The following HNF4G variants were observed in gnomAD, a reference collection of about 807,000 sequenced individuals.
HNF4G encodes hepatocyte nuclear factor 4-gamma.
HNF4G carries 21 observed loss-of-function variants against 50.9 expected under a neutral mutation model. The ratio of observed to expected loss-of-function variants is 0.41; its 90% CI spans 0.29 to 0.59. The LOEUF is 0.59. Among genes scored for constraint, HNF4G ranks in the 20% least tolerant of loss-of-function variants. HNF4G has a pLI of 0.26. For missense variants in HNF4G, 527 were observed against 559.4 expected (o/e 0.94, Z 0.58); for synonymous variants, 198 against 185.6 (o/e 1.07, Z -0.54).
intron 9 of HNF4G, among the ~76,000 whole-genome samples, chr8:75,563,446 A>G (rs1386414196): frequency 6.6e-6 from 1 of 150,484 alleles, no homozygotes; most frequent in Non-Finnish European, 1.5e-5. Flanking sequence ...AAAAAAAGCC[A>G]GTATTTTTCA....
intron 1 of HNF4G, among the ~76,000 whole-genome samples, chr8:75,431,398 C>T (rs898537364): frequency 6.6e-5 from 10 of 152,120 alleles, no homozygotes; most frequent in Middle Eastern, 3.4e-3. Context: ...AATCACAGAA[C>T]GGCTTGATAT....
At chr8:75,532,501 G>A (rs754637274) in intron 2 of HNF4G, among the ~76,000 whole-genome samples, 11 of 151,978 alleles carry the variant, frequency 7.2e-5, no homozygotes, top group African/African-American at 2.7e-4. Context: ...TTCTATTCCA[G>A]TGCTTACTTT....
chr8:75,444,491 A>G (rs1811372467), intron 1 of HNF4G, among the ~76,000 whole-genome samples: 1 of 125,004 alleles, frequency 8.0e-6, no homozygotes, highest in Admixed American at 7.9e-5. Flanking sequence ...GGCAAGTTGG[A>G]TAAAGAGTCA....
chr8:75,537,664 A>G (rs1478362294), upstream of HNF4G, among the ~76,000 whole-genome samples: 1 of 152,172 alleles, frequency 6.6e-6, no homozygotes, highest in African/African-American at 2.4e-5. Context: ...GAAGGGTTCT[A>G]GAATTTTTGC....
At chr8:75,501,223 T>C (rs2130705049) in intron 2 of HNF4G, among the ~76,000 whole-genome samples, 1 of 152,172 alleles carries the variant, frequency 6.6e-6, no homozygotes, top group Middle Eastern at 3.4e-3. Context: ...GGGGATCACT[T>C]GAGTCCAGGG....
chr8:75,474,654 A>C (rs1812195989), intron 1 of HNF4G, among the ~76,000 whole-genome samples: 1 of 152,070 alleles, frequency 6.6e-6, no homozygotes, highest in South Asian at 2.1e-4. Context: ...AGAATGATGA[A>C]TAATAATAAT....
rs190541351 is a variant in HNF4G, at chr8:75,558,797, T to C, written c.887-4T>C. 5.5e-5 allele frequency: 88 copies of C among 1,611,336 alleles called. No homozygotes were observed. The East Asian group carries it at 1.4e-3, about 27-fold the overall frequency. The stretch of plus-strand genomic sequence containing the variant: ...GTACACTGCCTCTCTTATTCCTTTG[T>C]TAGATGCAAAAGGGCTAAGCGATCC... On this transcript the variant is annotated splice_polypyrimidine_tract_variant and splice_region_variant and intron_variant, in intron 7 of 9. Coordinates refer to ENST00000396423, the MANE Select transcript of HNF4G (RefSeq NM_004133.5).
At chr8:75,481,107 T>C (rs368955161) in intron 1 of HNF4G, among the ~76,000 whole-genome samples, 7 of 152,158 alleles carry the variant, frequency 4.6e-5, no homozygotes, top group African/African-American at 1.7e-4. Flanking sequence ...TGCTTTTTAG[T>C]CTCCCACACA....
At chr8:75,528,757 A>G (rs1302496210) in intron 2 of HNF4G, among the ~76,000 whole-genome samples, 1 of 148,118 alleles carries the variant, frequency 6.8e-6, no homozygotes, top group African/African-American at 2.6e-5. Flanking sequence ...GTAATGCCCA[A>G]AAAGTGAAAA....
chr8:75,504,585 C>T (rs1813026435), intron 2 of HNF4G, among the ~76,000 whole-genome samples: 1 of 152,106 alleles, frequency 6.6e-6, no homozygotes, highest in South Asian at 2.1e-4. Flanking sequence ...ATCTGCAACA[C>T]ATAATGTCAT....
At chr8:75,514,919 A>G (rs923268636) in intron 2 of HNF4G, among the ~76,000 whole-genome samples, 12 of 152,092 alleles carry the variant, frequency 7.9e-5, no homozygotes, top group African/African-American at 1.2e-4. Context: ...TATTTTACTT[A>G]CTAAACTATA....
intron 5 of HNF4G, among the ~76,000 whole-genome samples, chr8:75,554,922 G>A (rs917319735): frequency 4.6e-5 from 7 of 152,162 alleles, no homozygotes; most frequent in Admixed American, 1.3e-4. Context: ...GAGAATCTGA[G>A]AAGAAAGCAC....
At chr8:75,530,716 G>A (rs1298241993) in intron 2 of HNF4G, among the ~76,000 whole-genome samples, 1 of 151,502 alleles carries the variant, frequency 6.6e-6, no homozygotes, top group Non-Finnish European at 1.5e-5. Flanking sequence ...ATCTGAACAA[G>A]AGCAAAGCTG....
At chr8:75,440,593 T>C (rs964008159) in intron 1 of HNF4G, among the ~76,000 whole-genome samples, 2 of 152,252 alleles carry the variant, frequency 1.3e-5, no homozygotes, top group African/African-American at 4.8e-5. Context: ...TTCATTATTT[T>C]ATTTAGTGTT....
At chr8:75,530,853 T>G (rs1806308642) in intron 2 of HNF4G, among the ~76,000 whole-genome samples, 1 of 151,082 alleles carries the variant, frequency 6.6e-6, no homozygotes, top group Non-Finnish European at 1.5e-5. Context: ...AGTGCAGTTG[T>G]GCGATCTCGG....
chr8:75,465,549 AG>A (rs1811949356), intron 1 of HNF4G, among the ~76,000 whole-genome samples: 1 of 152,194 alleles, frequency 6.6e-6, no homozygotes. Context: ...CAGAGACTAA[AG>A]GTATCATAAG....
At chr8:75,502,503 G>A (rs1327786327) in intron 2 of HNF4G, among the ~76,000 whole-genome samples, 2 of 152,006 alleles carry the variant, frequency 1.3e-5, no homozygotes, top group African/African-American at 4.8e-5. Context: ...ATGGGCAAAG[G>A]ACAAAAACAC....
At chr8:75,449,400 CAA>C (rs35748009) in intron 1 of HNF4G, among the ~76,000 whole-genome samples, 12,914 of 151,758 alleles carry the variant, frequency 0.085, 1,421 homozygotes, top group African/African-American at 0.24. Context: ...ACTAAAAAAA[CAA>C]ATTTTTGGTG....
At chr8:75,426,054 A>G (rs1032456456) in intron 1 of HNF4G, among the ~76,000 whole-genome samples, 2 of 152,220 alleles carry the variant, frequency 1.3e-5, no homozygotes, top group African/African-American at 4.8e-5. Flanking sequence ...AAGGAGATAG[A>G]TCAAATAATT....
Sources: allele counts gnomAD v4.1 joint callset (sites outside exome capture counted in the v4.1 genomes callset), GRCh38; gene constraint gnomAD v4.1.1; transcripts MANE v1.5; gene names NCBI Gene and HGNC (gene_info 2026-07-23, HGNC 2026-07-21).